The following TMEM41B variants were observed in gnomAD, a reference collection of about 807,000 sequenced individuals.
TMEM41B encodes the protein protein stasimon.
TMEM41B carries 18 observed loss-of-function variants against 31.9 expected under a neutral mutation model. The ratio of observed to expected loss-of-function variants is 0.56; its 90% CI spans 0.39 to 0.84. TMEM41B has a LOEUF of 0.84. TMEM41B is among the 40% of genes least tolerant of loss of function. The pLI, the probability that TMEM41B is intolerant of heterozygous loss-of-function variation, is 0.00. For synonymous variants in TMEM41B, 144 were observed against 124.3 expected, an observed-to-expected ratio of 1.16 and a Z score of -1.05; for missense variants, 322 against 348.0, an observed-to-expected ratio of 0.93 and a Z score of 0.59.
chr11:9,304,959 T>C (rs553505903), intron 1 of TMEM41B, among the ~76,000 whole-genome samples: 106 of 152,018 alleles, frequency 7.0e-4, no homozygotes, highest in African/African-American at 2.3e-3. Context: ...CCCAGCAATT[T>C]TTTGGTTTTG....
chr11:9,290,564 AG>A (rs1240045620), intron 3 of TMEM41B, among the ~76,000 whole-genome samples: 2 of 149,550 alleles, frequency 1.3e-5, no homozygotes, highest in African/African-American at 4.9e-5. Flanking sequence ...AAAAAAAAAA[AG>A]AAAGAAAAGA....
chr11:9,298,691 G>C (rs1298477138), intron 2 of TMEM41B, among the ~76,000 whole-genome samples: 1 of 151,612 alleles, frequency 6.6e-6, no homozygotes, highest in Non-Finnish European at 1.5e-5. Context: ...CTTCAACTCA[G>C]GAGAGGAGGC....
chr11:9,313,897 T>G (rs911655293), intron 1 of TMEM41B, among the ~76,000 whole-genome samples: 7 of 152,210 alleles, frequency 4.6e-5, no homozygotes, highest in South Asian at 4.1e-4. Flanking sequence ...AAGTATTAAG[T>G]CCTCGCTCCT....
intron 2 of TMEM41B, among the ~76,000 whole-genome samples, chr11:9,297,824 T>C (rs959545823): frequency 4.6e-5 from 7 of 151,946 alleles, no homozygotes; most frequent in Non-Finnish European, 8.8e-5. Context: ...TTTGTTTACA[T>C]GACAAAAAAA....
At chr11:9,307,305 G>C (rs1380079016) in intron 1 of TMEM41B, among the ~76,000 whole-genome samples, 2 of 151,992 alleles carry the variant, frequency 1.3e-5, no homozygotes, top group African/African-American at 2.4e-5. Context: ...AGGCCAACAA[G>C]TCTCTTAAGG....
At chr11:9,309,252 AAAAG>A (rs1853490904) in intron 1 of TMEM41B, among the ~76,000 whole-genome samples, 1 of 151,816 alleles carries the variant, frequency 6.6e-6, no homozygotes, top group African/African-American at 2.4e-5. Context: ...ATTTCAAAAA[AAAAG>A]AAAGAAAGAA....
In TMEM41B at chr11:9,281,115, A is replaced by C. The variant is rs1852710190; in HGVS notation, c.*2309T>G. 1 of 152,230 alleles carries C rather than the reference A, an allele frequency of 6.6e-6. No individual in the cohort carries two copies. The allele number at this position is 152,230 out of a possible 1,614,324, so 9.4% of individuals were successfully genotyped here. On this transcript the variant is annotated 3_prime_UTR_variant, in exon 7 of 7. Transcript: ENST00000528080. ...AGGACAGTAAATATACTCTGAGAAT[A>C]GAGTAAGTACAATTTACACACGCTG...
chr11:9,291,239 G>A lies in TMEM41B; in HGVS notation c.369-2704C>T, dbSNP rs577513070. Reference sequence around the variant, plus strand: ...GTTCAAAGAATACAAAAAATTAGCCGGGCGCAGTGGCAGGTGCCTGTAATC... The same window carrying A: ...GTTCAAAGAATACAAAAAATTAGCCAGGCGCAGTGGCAGGTGCCTGTAATC... On this transcript the variant is annotated intron_variant, in intron 3 of 6. Coordinates refer to ENST00000528080, the MANE Select transcript of TMEM41B (RefSeq NM_015012.4). Among the ~76,000 whole-genome samples the A allele has an allele frequency of 8.6e-4, 131 of 152,076 alleles. No homozygotes were observed. In the Middle Eastern group the frequency reaches 0.01, roughly 12 times the overall value.
Position 9,283,404 on chromosome 11 carries a change from TA to T in TMEM41B, c.*19del, listed in dbSNP as rs1269648538. 6.3e-7 allele frequency: 1 copy of T among 1,594,926 alleles called. No individual in the cohort carries two copies. The highest frequency in any genetic ancestry group is 1.1e-5 in the South Asian group (1 of 88,142). ...CCTGAGATGGTGATGACAGCAAAAC[TA>T]AAAATCAGATGATTATTTTTACTCA... On this transcript the variant is annotated 3_prime_UTR_variant, in exon 7 of 7. Coordinates refer to ENST00000528080, the MANE Select transcript of TMEM41B (RefSeq NM_015012.4).
In TMEM41B at chr11:9,283,590, A is replaced by G; in HGVS notation, c.710T>C (p.Val237Ala). 1 of 1,599,280 alleles carries G rather than the reference A, an allele frequency of 6.3e-7. No homozygotes were observed. Among genetic ancestry groups the G allele is most frequent in the Non-Finnish European group, 8.5e-7 (1 of 1,176,432 alleles). ...AATGGCTACAAAAGAAGGAGGTGCG[A>G]CACCTGAAATAAAATATAAAAAGAT... ...KVFFIGTFLG[V>A]APPSFVAIKA... Residue 237 changes from valine to alanine, a missense_variant, in exon 7 of 7, where the codon GTC (valine) becomes GCC (alanine). Transcript: ENST00000528080.
Position 9,314,346 on chromosome 11 carries a change from C to G in TMEM41B, c.96G>C (p.Ala32=), listed in dbSNP as rs1175725013. The G allele has an allele frequency of 1.9e-6, 3 of 1,595,250 alleles. No individual in the cohort carries two copies. The highest frequency in any genetic ancestry group is 1.7e-5 in the Admixed American group (1 of 58,784). Reference sequence around the variant, plus strand: ...CCTTCTGGTGGTCTCTGCTGCCAGGCGCCGCGAGACCCCGCGTCCCCGCTG... The same window carrying G: ...CCTTCTGGTGGTCTCTGCTGCCAGGGGCCGCGAGACCCCGCGTCCCCGCTG... ...DGAAGTRGLA[A]PGSRDHQKEK... Residue 32 remains alanine, a synonymous_variant, in exon 1 of 7, where the codon GCG becomes GCC. Coordinates refer to ENST00000528080, the MANE Select transcript of TMEM41B (RefSeq NM_015012.4).
chr11:9,294,108 G>C (rs1335864560), intron 3 of TMEM41B, among the ~76,000 whole-genome samples: 1 of 142,526 alleles, frequency 7.0e-6, no homozygotes, highest in African/African-American at 2.5e-5. Flanking sequence ...TTGAGCCCAG[G>C]AGGCTGAGGC....
At chr11:9,294,787 A>G (rs985257042) in intron 3 of TMEM41B, among the ~76,000 whole-genome samples, 3 of 152,076 alleles carry the variant, frequency 2.0e-5, no homozygotes, top group African/African-American at 7.2e-5. Context: ...AAGAATTTTT[A>G]CAAAAGAAAC....
In TMEM41B at chr11:9,288,513, C is replaced by A; in HGVS notation, c.391G>T (p.Gly131Cys). 6.3e-7 allele frequency: 1 copy of A among 1,580,310 alleles called. No individual in the cohort carries two copies. The highest frequency in any genetic ancestry group is 1.2e-5 in the South Asian group (1 of 83,292). ...YIFLQTFAIP[G>C]SIFLSILSGF... ...GAGAGTATACTGAGAAATATAGAGC[C>A]TGGAATAGCAAATGTTTGCAAGCTG... The change falls in exon 4 of 7, where the codon GGC becomes TGC. Residue 131 changes from glycine (G) to cysteine (C), a missense_variant. Around this residue, in one of 3 missense-constraint regions of TMEM41B, gnomAD observed 183 missense variants for 175.3 expected, o/e 1.04. Coordinates refer to ENST00000528080, the MANE Select transcript of TMEM41B (RefSeq NM_015012.4).
rs572814750 is a variant in TMEM41B, at chr11:9,311,430, C to A, written c.121+2891G>T. ...AGCCAAGGGACTCACAGGAGGCATT[C>A]CAGGAGCAGACGGTGGGTATGGAGG... On this transcript the variant is annotated intron_variant, in intron 1 of 6. Transcript: ENST00000528080. The A allele has an allele frequency of 1.1e-5, 16 of 1,393,314 alleles. No individual in the cohort carries two copies. The East Asian group carries it at 3.5e-4, about 30-fold the overall frequency. 86.3% of individuals were successfully genotyped at this position (1,393,314 alleles called of 1,614,324 possible).
chr11:9,289,609 T>C lies in TMEM41B; in HGVS notation c.369-1074A>G, dbSNP rs139542999. Among the ~76,000 whole-genome samples, 348 of 152,278 alleles carry C rather than the reference T, an allele frequency of 2.3e-3. 1 individual carries two copies. Among genetic ancestry groups the C allele is most frequent in the African/African-American group, 8.0e-3 (334 of 41,556 alleles). ...ACTTAAAAAACAACCTCAACCAGGG[T>C]ATCCTATCCAGCTACCGCTCATCTT... On this transcript the variant is annotated intron_variant, in intron 3 of 6. Transcript: ENST00000528080.
Position 9,299,691 on chromosome 11 carries a change from C to G in TMEM41B, c.132G>C (p.Trp44Cys), listed in dbSNP as rs746352021. The G allele has an allele frequency of 6.2e-7, 1 of 1,603,576 alleles. No individual in the cohort carries two copies. Among genetic ancestry groups the G allele is most frequent in the East Asian group, 2.2e-5 (1 of 44,800 alleles). Reference sequence around the variant, plus strand: ...ACATTCTTGCTGATCCAGCTTCTACCCAGGATTTTTCTGGAAGAAAAAAGA... The same window carrying G: ...ACATTCTTGCTGATCCAGCTTCTACGCAGGATTTTTCTGGAAGAAAAAAGA... ...GSRDHQKEKS[W>C]VEAGSARMSL... Residue 44 changes from tryptophan (W) to cysteine (C), a missense_variant, in exon 2 of 7, where the codon TGG (tryptophan) becomes TGC (cysteine). Trp to Cys is a radical substitution (Grantham distance 215). This residue lies in a region of TMEM41B where 183 missense variants were observed against 175.3 expected (regional missense o/e 1.04). Transcript: ENST00000528080.
chr11:9,311,150 G>C, intron 1 of TMEM41B: 7 of 1,053,056 alleles, frequency 6.6e-6, no homozygotes, highest in Non-Finnish European at 9.0e-6. Context: ...CTCAACAGCA[G>C]GGTGAAGCTC....
intron 3 of TMEM41B, among the ~76,000 whole-genome samples, chr11:9,291,273 T>C (rs377486557): frequency 1.3e-5 from 2 of 152,142 alleles, no homozygotes; most frequent in East Asian, 1.9e-4. Flanking sequence ...TCTCAGCTAC[T>C]TGGCAAGCTG....
Sources: allele counts gnomAD v4.1 joint callset (sites outside exome capture counted in the v4.1 genomes callset), GRCh38; gene constraint gnomAD v4.1.1; regional missense constraint gnomAD v4.1.1; transcripts MANE v1.5; gene names NCBI Gene and HGNC (gene_info 2026-07-23, HGNC 2026-07-21).